The following ITGB5 variants were observed in gnomAD, a reference collection of about 807,000 sequenced individuals.
ITGB5 encodes the protein integrin subunit beta 5.
ITGB5 carries 38 observed loss-of-function variants against 84.8 expected under a neutral mutation model. That is an observed-to-expected ratio of 0.45 (90% CI 0.35 to 0.59). ITGB5 has a LOEUF of 0.59. Among genes scored for constraint, ITGB5 ranks in the 20% least tolerant of loss-of-function variants. The pLI is 0.01. For synonymous variants in ITGB5, 393 were observed against 414.4 expected, an observed-to-expected ratio of 0.95 and a Z score of 0.63; for missense variants, 905 against 1,034.5, an observed-to-expected ratio of 0.87 and a Z score of 1.72.
intron 9 of ITGB5, among the ~76,000 whole-genome samples, chr3:124,807,970 A>C (rs990536967): frequency 7.1e-6 from 1 of 141,366 alleles, no homozygotes; most frequent in Non-Finnish European, 1.5e-5. Flanking sequence ...AAAAAAAAAA[A>C]AAAAAAAAAA....
rs145224812 is a variant in ITGB5, at chr3:124,807,803, G to A, written c.1263+1219C>T. On this transcript the variant is annotated intron_variant, in intron 9 of 14. Transcript: ENST00000296181. Reference sequence around the variant, plus strand: ...TACTAAAAATACAAAAAAATTAGCCGGGCTGGCGGGCGCCTGTAGTCCCAG... The same window carrying A: ...TACTAAAAATACAAAAAAATTAGCCAGGCTGGCGGGCGCCTGTAGTCCCAG... Among the ~76,000 whole-genome samples, 621 of 151,626 alleles carry A rather than the reference G, an allele frequency of 4.1e-3. 5 individuals are homozygous for A. Among genetic ancestry groups the A allele is most frequent in the Non-Finnish European group, 5.7e-3 (390 of 67,848 alleles).
intron 2 of ITGB5, among the ~76,000 whole-genome samples, chr3:124,870,779 A>G (rs1343914607): frequency 6.6e-6 from 1 of 151,046 alleles, no homozygotes; most frequent in Non-Finnish European, 1.5e-5. Flanking sequence ...TTCTCATATC[A>G]AATGGATACA....
intron 10 of ITGB5, among the ~76,000 whole-genome samples, chr3:124,774,788 G>A (rs2063899080): frequency 6.6e-6 from 1 of 151,480 alleles, no homozygotes; most frequent in African/African-American, 2.4e-5. Context: ...GCTGAGAACA[G>A]CAGCAGCAGC....
rs1934392851 is a variant in ITGB5 at position 124,877,802 on chromosome 3, G to T, written c.71-4271C>A. Among the ~76,000 whole-genome samples, 4 of 151,966 alleles carry T rather than the reference G, an allele frequency of 2.6e-5. No individual in the cohort carries two copies. In the South Asian group the frequency reaches 8.3e-4, roughly 32 times the overall value. On this transcript the variant is annotated intron_variant, in intron 1 of 14. Transcript: ENST00000296181. Reference sequence around the variant, plus strand: ...TCTGTAACAGCCCCTTTATCAGAAAGGAATTTGAGGTCAAAGGCCTCACGT... The same window carrying T: ...TCTGTAACAGCCCCTTTATCAGAAATGAATTTGAGGTCAAAGGCCTCACGT...
At chr3:124,834,609 AAGGGAAGGATGGGGAGGGAGGGAGGG>A (rs1384562814) in intron 5 of ITGB5, among the ~76,000 whole-genome samples, 1 of 94,344 alleles carries the variant, frequency 1.1e-5, no homozygotes, top group Non-Finnish European at 2.1e-5. Flanking sequence ...AGAGAGAGAG[AAGGGAAGGATGGGGAGGGAGGGAGGG>A]AGGGAAGGAC....
At chr3:124,819,087 G>A (rs1417651343) in intron 7 of ITGB5, among the ~76,000 whole-genome samples, 2 of 152,222 alleles carry the variant, frequency 1.3e-5, no homozygotes, top group African/African-American at 4.8e-5. Context: ...AGTTTTTGAA[G>A]ATGGTCCAGG....
At position 124,841,494 on chromosome 3, in the gene ITGB5, G is replaced by A; in HGVS notation, c.669C>T (p.Leu223=). ...PSFGFRHLLP[L]TDRVDSFNEE... ...CATTGAAGCTGTCCACTCTGTCTGT[G>A]AGAGGCAGCAGATGGCGGAACCCAA... The change falls in exon 5 of 15, where the codon CTC becomes CTT. Residue 223 remains leucine, a synonymous_variant. Coordinates refer to ENST00000296181, the MANE Select transcript of ITGB5 (RefSeq NM_002213.5). 1 of 1,614,238 alleles carries A rather than the reference G, an allele frequency of 6.2e-7. No homozygotes were observed. Among genetic ancestry groups the A allele is most frequent in the South Asian group, 1.1e-5 (1 of 91,082 alleles).
At chr3:124,865,631 C>A (rs1312448826) in intron 2 of ITGB5, among the ~76,000 whole-genome samples, 1 of 151,678 alleles carries the variant, frequency 6.6e-6, no homozygotes, top group Non-Finnish European at 1.5e-5. Flanking sequence ...GGACTACAGG[C>A]AGGTGCCACC....
At chr3:124,805,680 G>T (rs1040565970) in intron 9 of ITGB5, among the ~76,000 whole-genome samples, 7 of 151,966 alleles carry the variant, frequency 4.6e-5, no homozygotes, top group Non-Finnish European at 8.8e-5. Context: ...TTAAACTCCT[G>T]GCTTCAAGTG....
At position 124,828,035 on chromosome 3, in the gene ITGB5, T is replaced by C. The variant is rs1004620680; in HGVS notation, c.781-6561A>G. Among the ~76,000 whole-genome samples the C allele has an allele frequency of 4.8e-5, 7 of 145,856 alleles. No individual in the cohort carries two copies. The Middle Eastern group carries it at 0.017, about 357-fold the overall frequency. ...GCTGACTCTCTTTTCAGACTCAGCC[T>C]GCCTGCACCCAGGTGATTAAAAAGC... On this transcript the variant is annotated intron_variant, in intron 5 of 14. Transcript: ENST00000296181.
At chr3:124,779,931 A>G (rs1579186592) in intron 10 of ITGB5, among the ~76,000 whole-genome samples, 1 of 152,288 alleles carries the variant, frequency 6.6e-6, no homozygotes, top group East Asian at 1.9e-4. Context: ...GGCCATGCCC[A>G]GTCGGAAGCA....
At chr3:124,801,982 A>G (rs1288667430) in intron 9 of ITGB5, among the ~76,000 whole-genome samples, 1 of 152,176 alleles carries the variant, frequency 6.6e-6, no homozygotes, top group African/African-American at 2.4e-5. Flanking sequence ...GGACCAGCCC[A>G]CCCCGGCTTT....
chr3:124,816,647 G>A (rs1015442128), intron 8 of ITGB5, among the ~76,000 whole-genome samples: 18 of 152,206 alleles, frequency 1.2e-4, no homozygotes, highest in African/African-American at 3.4e-4. Context: ...TCTGCCTGCC[G>A]TTTGCCTGAC....
At chr3:124,766,166 C>A in intron 13 of ITGB5, 60 bp downstream of exon 13, 1 of 1,564,422 alleles carries the variant, frequency 6.4e-7, no homozygotes, top group Non-Finnish European at 8.7e-7. Flanking sequence ...CAGAGAATGG[C>A]ATCAGAAATC....
intron 9 of ITGB5, among the ~76,000 whole-genome samples, chr3:124,806,553 C>T (rs1046835237): frequency 6.6e-6 from 1 of 151,254 alleles, no homozygotes; most frequent in Non-Finnish European, 1.5e-5. Context: ...CCTGCCTCAG[C>T]CTCCCGAGTA....
At chr3:124,788,471 C>T (rs1432782036) in intron 10 of ITGB5, among the ~76,000 whole-genome samples, 1 of 152,144 alleles carries the variant, frequency 6.6e-6, no homozygotes, top group Non-Finnish European at 1.5e-5. Flanking sequence ...TGTCCTTAGC[C>T]ACCCTGTACG....
intron 5 of ITGB5, among the ~76,000 whole-genome samples, chr3:124,839,475 T>C (rs983032315): frequency 3.9e-5 from 6 of 152,182 alleles, no homozygotes; most frequent in East Asian, 3.9e-4. Flanking sequence ...ATTCATCTAA[T>C]TGAATAAAAT....
intron 10 of ITGB5, among the ~76,000 whole-genome samples, chr3:124,789,184 C>T (rs2064122281): frequency 6.6e-6 from 1 of 152,238 alleles, no homozygotes; most frequent in Non-Finnish European, 1.5e-5. Context: ...GCTACTGATT[C>T]TGAGTGTGAA....
intron 8 of ITGB5, 133 bp from the exon 9 acceptor site, chr3:124,809,289 CTTGGT>C: frequency 2.2e-6 from 2 of 906,042 alleles, no homozygotes; most frequent in Non-Finnish European, 3.4e-6. Flanking sequence ...AGCCAGTGAG[CTTGGT>C]TCCCTGGCCC....
Sources: allele counts gnomAD v4.1 joint callset (sites outside exome capture counted in the v4.1 genomes callset), GRCh38; gene constraint gnomAD v4.1.1; transcripts MANE v1.5; gene names NCBI Gene and HGNC (gene_info 2026-07-23, HGNC 2026-07-21).